Variants in OXR1 observed in about 807,000 individuals in gnomAD.
The protein encoded by OXR1 is oxidation resistance protein 1.
A neutral mutation model predicts 104.6 loss-of-function variants in OXR1; 41 were observed. The observed-to-expected ratio is 0.39, with a 90% CI of 0.31 to 0.51. The LOEUF is 0.51. Ranked by LOEUF, OXR1 falls within the 20% of genes least tolerant of loss-of-function variation. OXR1 has a pLI of 0.77. For synonymous variants in OXR1, 348 were observed against 348.4 expected, an observed-to-expected ratio of 1.00 and a Z score of 0.01; for missense variants, 955 against 1,031.9, an observed-to-expected ratio of 0.93 and a Z score of 1.02.
chr8:106,282,665 G>A (rs1308957322), intron 1 of OXR1, among the ~76,000 whole-genome samples: 1 of 152,194 alleles, frequency 6.6e-6, no homozygotes, highest in Non-Finnish European at 1.5e-5. Context: ...TATACATTAA[G>A]TGGAAGTGAA....
chr8:106,321,692 G>C (rs868075407), intron 1 of OXR1, among the ~76,000 whole-genome samples: 2 of 152,200 alleles, frequency 1.3e-5, no homozygotes, highest in South Asian at 4.1e-4. Flanking sequence ...CTACCCCAAA[G>C]TGCATTCTGA....
intron 1 of OXR1, among the ~76,000 whole-genome samples, chr8:106,336,216 T>A (rs1814957462): frequency 6.6e-6 from 1 of 152,212 alleles, no homozygotes. Flanking sequence ...GGATCACAGT[T>A]TCTCCAGGTA....
At chr8:106,682,252 T>C (rs1828227320) in intron 4 of OXR1, among the ~76,000 whole-genome samples, 1 of 151,606 alleles carries the variant, frequency 6.6e-6, no homozygotes, top group Admixed American at 6.6e-5. Flanking sequence ...TTGTGTTTTC[T>C]TCAGAGCTCT....
chr8:106,448,915 G>A (rs558615896), intron 2 of OXR1, among the ~76,000 whole-genome samples: 31 of 152,200 alleles, frequency 2.0e-4, no homozygotes, highest in African/African-American at 6.5e-4. Flanking sequence ...TAAATTTCAA[G>A]ATTATATTAT....
chr8:106,655,098 G>A (rs996182812), intron 3 of OXR1, among the ~76,000 whole-genome samples: 3 of 152,100 alleles, frequency 2.0e-5, no homozygotes, highest in Non-Finnish European at 4.4e-5. Flanking sequence ...CAAATCCACC[G>A]AGGCAGAAAT....
intron 2 of OXR1, among the ~76,000 whole-genome samples, chr8:106,429,184 C>T (rs1819259214): frequency 6.6e-6 from 1 of 152,090 alleles, no homozygotes; most frequent in Non-Finnish European, 1.5e-5. Context: ...ACGCTTGTTC[C>T]CCAGCTTGAA....
chr8:106,608,458 A>G (rs920740103), intron 3 of OXR1, among the ~76,000 whole-genome samples: 1 of 152,082 alleles, frequency 6.6e-6, no homozygotes, highest in African/African-American at 2.4e-5. Context: ...GAGGCTAAAG[A>G]CTGCTATGTG....
chr8:106,552,474 AT>A (rs879928047), intron 3 of OXR1, among the ~76,000 whole-genome samples: 79 of 152,326 alleles, frequency 5.2e-4, no homozygotes, highest in Non-Finnish European at 1.0e-3. Flanking sequence ...CTAAACTATT[AT>A]AACATTTAAA....
intron 1 of OXR1, among the ~76,000 whole-genome samples, chr8:106,297,138 A>G (rs1196062847): frequency 6.6e-6 from 1 of 152,162 alleles, no homozygotes; most frequent in African/African-American, 2.4e-5. Flanking sequence ...TGTATATAGC[A>G]ATCCGTGTGG....
chr8:106,687,113 C>T (rs576127973), intron 6 of OXR1, among the ~76,000 whole-genome samples: 22 of 152,130 alleles, frequency 1.4e-4, no homozygotes, highest in Admixed American at 2.0e-4. Context: ...CTCTCTCTTG[C>T]CCTTTTGCTT....
At chr8:106,563,149 A>G (rs1816802237) in intron 3 of OXR1, among the ~76,000 whole-genome samples, 1 of 152,158 alleles carries the variant, frequency 6.6e-6, no homozygotes, top group Admixed American at 6.5e-5. Flanking sequence ...AACGGGCCAA[A>G]TGTCTCAGTT....
At chr8:106,341,927 G>A (rs1250168802) in intron 1 of OXR1, among the ~76,000 whole-genome samples, 1 of 150,110 alleles carries the variant, frequency 6.7e-6, no homozygotes, top group Non-Finnish European at 1.5e-5. Flanking sequence ...CCAGGCTGGA[G>A]TTTAGTGGCT....
intron 3 of OXR1, chr8:106,605,273 C>T (rs556156234): frequency 6.6e-6 from 1 of 152,226 alleles, no homozygotes; most frequent in African/African-American, 2.4e-5. Context: ...AATCAAAACT[C>T]TAGCAATTAA....
rs541564099 is a variant in OXR1, at chr8:106,298,855, C to A, written c.-139+28488C>A. ...CTTTACTAATCTGTCCAGATTGAAA[C>A]ACGTTCTTTTCTTTCCCCTTCAGTG... On this transcript the variant is annotated intron_variant, in intron 1 of 16. Coordinates refer to ENST00000517566, the MANE Select transcript of OXR1 (RefSeq NM_001198533.2). 1.1e-4 allele frequency among the ~76,000 whole-genome samples: 17 copies of A among 152,154 alleles called. 1 individual carries two copies. The highest frequency in any genetic ancestry group is 4.1e-4 in the African/African-American group (17 of 41,508).
At chr8:106,653,403 A>T (rs1056505123) in intron 3 of OXR1, among the ~76,000 whole-genome samples, 6 of 151,960 alleles carry the variant, frequency 3.9e-5, no homozygotes, top group African/African-American at 1.2e-4. Context: ...GCATCATATT[A>T]TACATTCTGA....
chr8:106,315,047 T>TC (rs1198776169), intron 1 of OXR1, among the ~76,000 whole-genome samples: 1 of 152,126 alleles, frequency 6.6e-6, no homozygotes, highest in African/African-American at 2.4e-5. Context: ...TAGTTTTTTT[T>TC]TTGTAAACTT....
chr8:106,622,313 C>T (rs570826492), intron 3 of OXR1, among the ~76,000 whole-genome samples: 2 of 152,220 alleles, frequency 1.3e-5, no homozygotes, highest in South Asian at 4.2e-4. Flanking sequence ...TCTGCTTTTG[C>T]TCCCCAATCC....
chr8:106,639,044 T>C (rs1264929479), intron 3 of OXR1, among the ~76,000 whole-genome samples: 1 of 152,194 alleles, frequency 6.6e-6, no homozygotes, highest in East Asian at 1.9e-4. Flanking sequence ...GTTGGCTTTA[T>C]AGGAAGAAAA....
intron 1 of OXR1, chr8:106,272,306 C>T (rs902316481): frequency 6.6e-6 from 1 of 152,184 alleles, no homozygotes; most frequent in Non-Finnish European, 1.5e-5. Context: ...CATGTTCTGT[C>T]GTCGGTTTCA....
Sources: gnomAD v4.1 joint callset for allele counts (sites outside exome capture counted in the v4.1 genomes callset) on GRCh38, gnomAD v4.1.1 for gene constraint, MANE v1.5 for transcripts, NCBI Gene and HGNC (gene_info 2026-07-23, HGNC 2026-07-21) for gene names.